Variants in KIAA1217 observed in about 807,000 individuals in gnomAD.
The protein encoded by KIAA1217 is KIAA1217.
In KIAA1217, 88 loss-of-function variants were observed where a neutral mutation model predicts 163.9. The observed-to-expected ratio is 0.54, with a 90% CI of 0.45 to 0.64. The LOEUF (loss-of-function observed/expected upper bound fraction) is 0.64, where lower values mean the gene tolerates loss of function less well. KIAA1217 is among the 30% of genes least tolerant of loss of function. The probability of loss-of-function intolerance (pLI) is 0.00; values close to 1 mark genes in which losing one functional copy is unlikely to be tolerated. For synonymous variants in KIAA1217, 903 were observed against 923.1 expected, an observed-to-expected ratio of 0.98 and a Z score of 0.39; for missense variants, 2,372 against 2,475.0, an observed-to-expected ratio of 0.96 and a Z score of 0.88.
intron 1 of KIAA1217, among the ~76,000 whole-genome samples, chr10:23,929,131 G>C (rs1843146921): frequency 6.6e-6 from 1 of 151,982 alleles, no homozygotes; most frequent in African/African-American, 2.4e-5. Flanking sequence ...AAAGGAGATG[G>C]AATGTTTATT....
chr10:23,897,777 A>G (rs573936173), intron 1 of KIAA1217, among the ~76,000 whole-genome samples: 1 of 152,196 alleles, frequency 6.6e-6, no homozygotes, highest in Non-Finnish European at 1.5e-5. Context: ...AAAATATAAA[A>G]AAGGATTAAA....
intron 1 of KIAA1217, among the ~76,000 whole-genome samples, chr10:23,881,997 G>T (rs1389515123): frequency 6.6e-6 from 1 of 151,600 alleles, no homozygotes; most frequent in Non-Finnish European, 1.5e-5. Context: ...CTTTCATTAT[G>T]GTAAAAATAT....
intron 1 of KIAA1217, among the ~76,000 whole-genome samples, chr10:23,817,430 C>G (rs7893697): frequency 0.29 from 43,440 of 151,980 alleles, 7,400 homozygotes; most frequent in African/African-American, 0.47. Flanking sequence ...TCATAAAATC[C>G]TGGAACGTTT....
intron 2 of KIAA1217, among the ~76,000 whole-genome samples, chr10:24,090,113 G>C (rs994944772): frequency 2.0e-5 from 3 of 150,538 alleles, no homozygotes; most frequent in African/African-American, 7.4e-5. Context: ...TCAGTTGCTG[G>C]AATTTAGTAG....
intron 2 of KIAA1217, among the ~76,000 whole-genome samples, chr10:24,071,217 T>C (rs1326366439): frequency 1.3e-5 from 2 of 152,236 alleles, no homozygotes; most frequent in Admixed American, 1.3e-4. Context: ...TATGTAATCC[T>C]CTTCTCTATC....
rs550835881 is a variant in KIAA1217, at chr10:24,154,649, T to C, written c.-170-64977T>C. 5.9e-5 allele frequency among the ~76,000 whole-genome samples: 9 copies of C among 152,096 alleles called. No individual in the cohort carries two copies. The South Asian group carries it at 1.9e-3, about 32-fold the overall frequency. ...CAGCACTTTGGGAGGCTGAGGCAAG[T>C]GGATCACCTTAGGTCAGGAGTTCGA... On this transcript the variant is annotated intron_variant, in intron 2 of 18. Transcript: ENST00000376462.
At chr10:24,369,614 G>A (rs1054947858) in intron 2 of KIAA1217, among the ~76,000 whole-genome samples, 20 of 152,160 alleles carry the variant, frequency 1.3e-4, no homozygotes, top group African/African-American at 4.3e-4. Flanking sequence ...GCAGAGATGA[G>A]CTTAAAAATG....
In KIAA1217 at chr10:23,830,706, G is replaced by GTAGGTAGGTAGA. The variant is rs1415168509; in HGVS notation, c.-321+135475_-321+135476insGTAGGTAGATAG. 1.2e-3 allele frequency among the ~76,000 whole-genome samples: 154 copies of GTAGGTAGGTAGA among 126,984 alleles called. 2 individuals are homozygous for GTAGGTAGGTAGA. In the East Asian group the frequency reaches 0.022, roughly 18 times the overall value. 83.3% of individuals were successfully genotyped at this position (126,984 alleles called of 152,430 possible). ...GGTAGGTAGGTAGGTAGGTAGGTAG[G>GTAGGTAGGTAGA]TAGATAGATAGGTAGATAGATAGCT... On this transcript the variant is annotated intron_variant, in intron 1 of 18. Transcript: ENST00000376462.
At chr10:24,018,500 T>A (rs2131507602) in intron 2 of KIAA1217, among the ~76,000 whole-genome samples, 1 of 151,902 alleles carries the variant, frequency 6.6e-6, no homozygotes, top group East Asian at 1.9e-4. Context: ...ATGGCACATG[T>A]ATACATATGT....
chr10:24,049,398 CTATT>C (rs1406950762), intron 2 of KIAA1217, among the ~76,000 whole-genome samples: 19 of 152,082 alleles, frequency 1.2e-4, no homozygotes, highest in Admixed American at 7.2e-4. Flanking sequence ...TTTTTTAACT[CTATT>C]TATTTATTTA....
At chr10:23,997,124 T>C (rs997808903) in intron 1 of KIAA1217, among the ~76,000 whole-genome samples, 1 of 152,226 alleles carries the variant, frequency 6.6e-6, no homozygotes, top group African/African-American at 2.4e-5. Flanking sequence ...TTCAACTGTT[T>C]GTGCTTTTAG....
chr10:24,431,097 G>C (rs1055657246), intron 3 of KIAA1217, among the ~76,000 whole-genome samples: 13 of 152,170 alleles, frequency 8.5e-5, no homozygotes, highest in Non-Finnish European at 1.3e-4. Context: ...CTTGTCTACT[G>C]TTAGTTCCTC....
chr10:24,415,714 C>T (rs1426294164), intron 3 of KIAA1217, among the ~76,000 whole-genome samples: 4 of 152,114 alleles, frequency 2.6e-5, no homozygotes, highest in Non-Finnish European at 5.9e-5. Context: ...CACTCATCCC[C>T]AGCCTTAGAG....
chr10:24,171,481 T>A (rs1463435022), intron 2 of KIAA1217, among the ~76,000 whole-genome samples: 1 of 152,234 alleles, frequency 6.6e-6, no homozygotes, highest in East Asian at 1.9e-4. Context: ...ATAAATGTTT[T>A]TAAAAGTTAA....
At chr10:23,756,934 A>G (rs1407648248) in intron 1 of KIAA1217, among the ~76,000 whole-genome samples, 1 of 152,198 alleles carries the variant, frequency 6.6e-6, no homozygotes, top group Non-Finnish European at 1.5e-5. Context: ...TATGATTTCT[A>G]TTATGCTAAG....
intron 2 of KIAA1217, among the ~76,000 whole-genome samples, chr10:24,329,723 C>T (rs771877841): frequency 3.3e-5 from 5 of 152,182 alleles, no homozygotes; most frequent in Non-Finnish European, 7.3e-5. Flanking sequence ...CAGTGCCTGG[C>T]TGCCTTCTAG....
At chr10:24,141,669 GCAAA>G (rs1305652034) in intron 2 of KIAA1217, among the ~76,000 whole-genome samples, 1 of 152,160 alleles carries the variant, frequency 6.6e-6, no homozygotes, top group African/African-American at 2.4e-5. Flanking sequence ...ACAGGAAGGT[GCAAA>G]CACAGGACAG....
chr10:24,023,811 C>T (rs1400921757), intron 2 of KIAA1217, among the ~76,000 whole-genome samples: 1 of 151,454 alleles, frequency 6.6e-6, no homozygotes, highest in African/African-American at 2.4e-5. Flanking sequence ...CGTATGACAA[C>T]ATGGATGAAT....
At position 24,495,321 on chromosome 10, in the gene KIAA1217, A is replaced by G. The variant is rs931474702; in HGVS notation, c.1834+125A>G. On this transcript the variant is annotated intron_variant, in intron 8 of 20. Coordinates refer to ENST00000376454, the MANE Select transcript of KIAA1217 (RefSeq NM_019590.5). The stretch of plus-strand genomic sequence containing the variant: ...TGGTATGATGTCAGGGGATTCCTAG[A>G]TATTCCTGCCAATACTGAAATTCCA... The G allele has an allele frequency of 8.6e-6, 6 of 694,868 alleles. No individual in the cohort carries two copies. In the Middle Eastern group the frequency reaches 1.3e-3, roughly 145 times the overall value. The allele number at this position is 694,868 out of a possible 1,614,324, so 43.0% of individuals were successfully genotyped here.
Sources: allele counts gnomAD v4.1 joint callset (sites outside exome capture counted in the v4.1 genomes callset), GRCh38; gene constraint gnomAD v4.1.1; transcripts MANE v1.5; gene names NCBI Gene and HGNC (gene_info 2026-07-23, HGNC 2026-07-21).